The following TOGARAM2 variants were observed in gnomAD, a reference collection of about 807,000 sequenced individuals.
TOGARAM2 encodes the protein TOG array regulator of axonemal microtubules 2.
TOGARAM2 carries 85 observed loss-of-function variants against 93.3 expected under a neutral mutation model. The observed-to-expected ratio is 0.91, with a 90% CI of 0.76 to 1.09. The LOEUF is 1.09. Among genes scored for constraint, TOGARAM2 ranks in the 50% least tolerant of loss-of-function variants. The probability of loss-of-function intolerance (pLI) is 0.00; values close to 1 mark genes in which losing one functional copy is unlikely to be tolerated. For missense variants in TOGARAM2, 1,277 were observed against 1,334.5 expected (o/e 0.96, Z 0.67); for synonymous variants, 593 against 552.8 (o/e 1.07, Z -1.02).
chr2:29,029,319 AG>A (rs1665606722), intron 14 of TOGARAM2, among the ~76,000 whole-genome samples: 1 of 151,156 alleles, frequency 6.6e-6, no homozygotes, highest in African/African-American at 2.4e-5. Flanking sequence ...AGTCATAAAT[AG>A]GAATGAATTA....
intron 19 of TOGARAM2, chr2:29,051,488 T>C: frequency 3.3e-6 from 1 of 300,794 alleles, no homozygotes; most frequent in Non-Finnish European, 6.0e-6. Context: ...TGCGTGCCCC[T>C]TTCTCCATAA....
chr2:29,051,668 T>C (rs1384087658), intron 19 of TOGARAM2, 88 bp from the exon 20 acceptor site: 2 of 1,162,562 alleles, frequency 1.7e-6, no homozygotes, highest in Non-Finnish European at 2.4e-6. Context: ...TGCCAGCCCT[T>C]TGGGGGACAA....
At chr2:29,003,437 C>T (rs1673423875) in intron 5 of TOGARAM2, 55 bp from the exon 6 acceptor site, 2 of 1,364,668 alleles carry the variant, frequency 1.5e-6, no homozygotes, top group Admixed American at 6.6e-5. Context: ...TGGAGGTGAG[C>T]ATTCACCATG....
intron 1 of TOGARAM2, among the ~76,000 whole-genome samples, chr2:28,964,414 CTG>C: frequency 6.8e-6 from 1 of 147,268 alleles, no homozygotes; most frequent in South Asian, 2.1e-4. Context: ...TCCTCTTTAT[CTG>C]TGTTTTTAAT....
intron 7 of TOGARAM2, among the ~76,000 whole-genome samples, chr2:29,012,812 C>G (rs1244395326): frequency 6.6e-6 from 1 of 152,236 alleles, no homozygotes; most frequent in Non-Finnish European, 1.5e-5. Context: ...GGGGCTTCCT[C>G]ACATCTGTGG....
chr2:29,023,754 C>T (rs1375992398), intron 12 of TOGARAM2, among the ~76,000 whole-genome samples: 1 of 151,806 alleles, frequency 6.6e-6, no homozygotes, highest in East Asian at 1.9e-4. Flanking sequence ...GTTTCCTCTG[C>T]AAAGTGAGGC....
intron 1 of TOGARAM2, among the ~76,000 whole-genome samples, chr2:28,964,468 GT>G (rs35630231): frequency 0.45 from 61,227 of 137,084 alleles, 14,195 homozygotes; most frequent in Middle Eastern, 0.57. Flanking sequence ...ATTGGGTCTT[GT>G]TTTTTTTTTT....
intron 1 of TOGARAM2, among the ~76,000 whole-genome samples, chr2:28,966,660 T>C (rs1671872657): frequency 2.0e-5 from 3 of 152,200 alleles, no homozygotes; most frequent in African/African-American, 7.2e-5. Context: ...AATCTTGAAA[T>C]AACAATTGCA....
chr2:28,981,830 G>A (rs1455001641), intron 1 of TOGARAM2, among the ~76,000 whole-genome samples: 1 of 152,180 alleles, frequency 6.6e-6, no homozygotes, highest in Admixed American at 6.5e-5. Context: ...CCCCTTCCCC[G>A]AGTCATGGCC....
chr2:28,963,834 C>G (rs988916197), intron 1 of TOGARAM2, among the ~76,000 whole-genome samples: 2 of 152,178 alleles, frequency 1.3e-5, no homozygotes, highest in Non-Finnish European at 2.9e-5. Context: ...ATGGTGAAAA[C>G]TTGTCTCTAC....
intron 18 of TOGARAM2, among the ~76,000 whole-genome samples, chr2:29,041,328 G>A (rs780353174): frequency 1.3e-4 from 20 of 152,156 alleles, no homozygotes; most frequent in Admixed American, 4.6e-4. Context: ...CCGGCCTTGA[G>A]TCACTTTTAA....
chr2:28,986,507 G>A (rs145396443), intron 1 of TOGARAM2, among the ~76,000 whole-genome samples: 1 of 152,308 alleles, frequency 6.6e-6, no homozygotes, highest in East Asian at 1.9e-4. Context: ...ATTAGATTCA[G>A]GTGTGAACTG....
chr2:29,005,310 G>GGGTGT (rs1553338863), intron 6 of TOGARAM2, among the ~76,000 whole-genome samples: 2 of 138,370 alleles, frequency 1.4e-5, no homozygotes, highest in African/African-American at 5.4e-5. Flanking sequence ...GTGTGTGTGG[G>GGGTGT]GTATGTGTGC....
At chr2:28,982,178 C>T (rs914746683) in intron 1 of TOGARAM2, among the ~76,000 whole-genome samples, 8 of 152,166 alleles carry the variant, frequency 5.3e-5, no homozygotes, top group African/African-American at 9.7e-5. Flanking sequence ...TTAGCCCATG[C>T]GCAGAATGGA....
intron 2 of TOGARAM2, among the ~76,000 whole-genome samples, chr2:28,995,508 C>A (rs142375217): frequency 2.6e-5 from 4 of 152,212 alleles, no homozygotes; most frequent in African/African-American, 9.7e-5. Context: ...ATGATGCACA[C>A]GGCAGAACTC....
At chr2:28,986,069 T>C (rs1054261906) in intron 1 of TOGARAM2, among the ~76,000 whole-genome samples, 4 of 140,828 alleles carry the variant, frequency 2.8e-5, no homozygotes, top group African/African-American at 8.0e-5. Flanking sequence ...GCTGAGATCA[T>C]GACACTGACC....
At chr2:28,970,955 C>T (rs1462503749) in intron 1 of TOGARAM2, 1 of 152,232 alleles carries the variant, frequency 6.6e-6, no homozygotes, top group East Asian at 1.9e-4. Flanking sequence ...TCCGGCTGGC[C>T]CTGGCTCATC....
chr2:28,993,059 C>CA (rs59495138), intron 1 of TOGARAM2, among the ~76,000 whole-genome samples: 2,506 of 133,916 alleles, frequency 0.019, 54 homozygotes, highest in Admixed American at 0.052. Flanking sequence ...GATTCTGTCT[C>CA]AAAAAAAAAA....
At chr2:28,979,309 C>T (rs1366182184), upstream of TOGARAM2, among the ~76,000 whole-genome samples, 1 of 152,186 alleles carries the variant, frequency 6.6e-6, no homozygotes, top group African/African-American at 2.4e-5. Flanking sequence ...AGGGTGAGTG[C>T]GTGCTCTGTG....
Sources: gnomAD v4.1 joint callset for allele counts (sites outside exome capture counted in the v4.1 genomes callset) on GRCh38, gnomAD v4.1.1 for gene constraint, MANE v1.5 for transcripts, NCBI Gene and HGNC (gene_info 2026-07-23, HGNC 2026-07-21) for gene names.